The following ASIC2 variants were observed in gnomAD, a reference collection of about 807,000 sequenced individuals.
The protein encoded by ASIC2 is acid sensing ion channel subunit 2, also known as acid-sensing ion channel 2.
ASIC2 carries 25 observed loss-of-function variants against 57.3 expected under a neutral mutation model. The ratio of observed to expected loss-of-function variants is 0.44; its 90% CI spans 0.32 to 0.61. The LOEUF is 0.61. ASIC2 is among the 20% of genes least tolerant of loss of function. ASIC2 has a pLI of 0.06. For synonymous variants in ASIC2, 319 were observed against 307.5 expected (o/e 1.04, Z -0.39); for missense variants, 641 against 738.1 (o/e 0.87, Z 1.52).
chr17:33,989,544 C>A (rs562649462), intron 1 of ASIC2, among the ~76,000 whole-genome samples: 1 of 152,136 alleles, frequency 6.6e-6, no homozygotes, highest in Non-Finnish European at 1.5e-5. Flanking sequence ...GTGGTAGGCA[C>A]GCCTTGGTCC....
intron 1 of ASIC2, among the ~76,000 whole-genome samples, chr17:33,338,963 A>T (rs1476624912): frequency 6.6e-6 from 1 of 152,164 alleles, no homozygotes; most frequent in Non-Finnish European, 1.5e-5. Context: ...ACAGAGTTTC[A>T]GTTTGGGATG....
At position 33,292,229 on chromosome 17, in the gene ASIC2, C is replaced by T. The variant is rs1190440431; in HGVS notation, c.-114G>A. ...AGCGGCAGCCGCGCGCAGCCCGCGC[C>T]AGGGAAGCGTGCGCCCGAAAGGAGC... On this transcript the variant is annotated 5_prime_UTR_variant, in exon 1 of 10. Transcript: ENST00000225823. The T allele has an allele frequency of 2.0e-6, 2 of 999,902 alleles. No homozygotes were observed. The highest frequency in any genetic ancestry group is 2.4e-6 in the Non-Finnish European group (2 of 841,424). The allele number at this position is 999,902 out of a possible 1,614,324, so 61.9% of individuals were successfully genotyped here. A position where few individuals can be genotyped will look rare whatever the true frequency, so the allele number is the denominator to read the frequency against.
At chr17:33,752,429 A>G (rs905616922) in intron 1 of ASIC2, among the ~76,000 whole-genome samples, 7 of 152,186 alleles carry the variant, frequency 4.6e-5, no homozygotes, top group Admixed American at 1.3e-4. Flanking sequence ...AAGACAAGCC[A>G]CAGACTGGAA....
chr17:33,238,287 T>C (rs900839795), intron 1 of ASIC2, among the ~76,000 whole-genome samples: 6 of 152,180 alleles, frequency 3.9e-5, no homozygotes, highest in African/African-American at 4.8e-5. Context: ...GGCTGCTCCT[T>C]GGATTCACTC....
intron 1 of ASIC2, among the ~76,000 whole-genome samples, chr17:33,941,511 A>G (rs1328006341): frequency 6.6e-6 from 1 of 152,208 alleles, no homozygotes; most frequent in African/African-American, 2.4e-5. Context: ...AAAGGCCAAT[A>G]GAGACATCAT....
intron 3 of ASIC2, among the ~76,000 whole-genome samples, chr17:33,078,197 C>T (rs963693123): frequency 6.6e-6 from 1 of 152,054 alleles, no homozygotes; most frequent in Non-Finnish European, 1.5e-5. Context: ...AATAAGCCAC[C>T]GAGAGATAAG....
At chr17:34,024,923 A>C (rs1907318964) in intron 1 of ASIC2, among the ~76,000 whole-genome samples, 1 of 152,184 alleles carries the variant, frequency 6.6e-6, no homozygotes, top group African/African-American at 2.4e-5. Context: ...CCTAATTAAG[A>C]GAAACTCTTT....
intron 1 of ASIC2, among the ~76,000 whole-genome samples, chr17:33,968,235 C>T (rs189671837): frequency 5.9e-4 from 90 of 152,294 alleles, no homozygotes; most frequent in African/African-American, 2.1e-3. Context: ...AGCCCAGTGC[C>T]CTTCCTGCTA....
At chr17:33,571,030 A>T (rs1325976256) in intron 1 of ASIC2, among the ~76,000 whole-genome samples, 2 of 152,094 alleles carry the variant, frequency 1.3e-5, no homozygotes, top group East Asian at 3.9e-4. Flanking sequence ...ATGGGAGGAG[A>T]TCTAAAATAT....
intron 1 of ASIC2, among the ~76,000 whole-genome samples, chr17:34,102,955 T>C (rs1460989700): frequency 1.3e-5 from 2 of 152,264 alleles, no homozygotes; most frequent in Non-Finnish European, 2.9e-5. Context: ...TGTGAGCTGA[T>C]ATTTCATTGT....
At chr17:33,586,602 A>G (rs181647024) in intron 1 of ASIC2, among the ~76,000 whole-genome samples, 14 of 152,264 alleles carry the variant, frequency 9.2e-5, no homozygotes, top group Admixed American at 2.6e-4. Flanking sequence ...AATATGCCCA[A>G]TGTATTCCTG....
chr17:33,144,338 G>C (rs1904462287), intron 1 of ASIC2, among the ~76,000 whole-genome samples: 1 of 152,102 alleles, frequency 6.6e-6, no homozygotes, highest in South Asian at 2.1e-4. Context: ...AAGAGTGGGG[G>C]AGAAAGAGAG....
intron 1 of ASIC2, among the ~76,000 whole-genome samples, chr17:33,212,835 C>T (rs940069093): frequency 1.1e-4 from 16 of 152,294 alleles, no homozygotes; most frequent in African/African-American, 3.6e-4. Context: ...CATTCCTTTG[C>T]CCCCTGATGG....
intron 1 of ASIC2, among the ~76,000 whole-genome samples, chr17:33,703,696 A>G (rs1345541965): frequency 6.6e-6 from 1 of 152,160 alleles, no homozygotes; most frequent in East Asian, 1.9e-4. Flanking sequence ...GTAGGTTTTA[A>G]GCAGGGGAAG....
At chr17:33,282,453 A>ATGTG (rs35692967) in intron 1 of ASIC2, among the ~76,000 whole-genome samples, 19 of 147,536 alleles carry the variant, frequency 1.3e-4, no homozygotes, top group Middle Eastern at 3.4e-3. Context: ...CTCTGTGTGT[A>ATGTG]TGTGTGTGTG....
chr17:33,876,170 C>A (rs767599850), intron 1 of ASIC2, among the ~76,000 whole-genome samples: 5 of 152,188 alleles, frequency 3.3e-5, no homozygotes, highest in African/African-American at 9.6e-5. Flanking sequence ...ATCTGTAAAA[C>A]GGGACTACGG....
At chr17:33,752,353 A>T (rs1349141657) in intron 1 of ASIC2, among the ~76,000 whole-genome samples, 1 of 151,416 alleles carries the variant, frequency 6.6e-6, no homozygotes, top group East Asian at 1.9e-4. Flanking sequence ...TCATTCCCAT[A>T]CTCTACACTC....
intron 1 of ASIC2, among the ~76,000 whole-genome samples, chr17:33,594,602 G>A (rs1053038583): frequency 1.3e-5 from 2 of 152,170 alleles, no homozygotes; most frequent in African/African-American, 4.8e-5. Context: ...GCTGAGGCAG[G>A]CGGATCACGA....
At position 33,285,127 on chromosome 17, in the gene ASIC2, G is replaced by A. The variant is rs537115553; in HGVS notation, c.708+6281C>T. 3.1e-4 allele frequency among the ~76,000 whole-genome samples: 47 copies of A among 152,292 alleles called. 1 individual carries two copies. Among genetic ancestry groups the A allele is most frequent in the African/African-American group, 9.4e-4 (39 of 41,558 alleles). Reference sequence around the variant, plus strand: ...AACCGACCCGCGAAGCAAATGTCCTGGCTATTTCTCCAGCCCTTCTCCATT... The same window carrying A: ...AACCGACCCGCGAAGCAAATGTCCTAGCTATTTCTCCAGCCCTTCTCCATT... On this transcript the variant is annotated intron_variant, in intron 1 of 9. Coordinates refer to ENST00000225823, the MANE Select transcript of ASIC2 (RefSeq NM_183377.2).
Sources: allele counts gnomAD v4.1 joint callset (sites outside exome capture counted in the v4.1 genomes callset), GRCh38; gene constraint gnomAD v4.1.1; transcripts MANE v1.5; gene names NCBI Gene and HGNC (gene_info 2026-07-23, HGNC 2026-07-21).